The following LAIR1 variants were observed in gnomAD, a reference collection of about 807,000 sequenced individuals.
The protein encoded by LAIR1 is leukocyte associated immunoglobulin like receptor 1, also known as leukocyte-associated immunoglobulin-like receptor 1.
In LAIR1, 24 loss-of-function variants were observed where a neutral mutation model predicts 32.8. The observed-to-expected ratio is 0.73, with a 90% CI of 0.53 to 1.03. The LOEUF is 1.03. Ranked by LOEUF, LAIR1 falls within the 50% of genes least tolerant of loss-of-function variation. The pLI, the probability that LAIR1 is intolerant of heterozygous loss-of-function variation, is 0.00. For synonymous variants in LAIR1, 150 were observed against 140.5 expected (o/e 1.07, Z -0.48); for missense variants, 355 against 347.5 (o/e 1.02, Z -0.17).
chr19:54,375,639 C>T, the LAIR1 span, among the ~76,000 whole-genome samples: 2 of 152,130 alleles, frequency 1.3e-5, no homozygotes, highest in Admixed American at 6.5e-5. Context: ...GAGACGGCGA[C>T]GCTGCCTTCG....
upstream of LAIR1, among the ~76,000 whole-genome samples, chr19:54,371,248 C>T (rs1242426293): frequency 1.3e-5 from 2 of 151,098 alleles, no homozygotes; most frequent in Non-Finnish European, 2.9e-5. Flanking sequence ...GTTCTCTCAT[C>T]GATGTACCTA....
upstream of LAIR1, among the ~76,000 whole-genome samples, chr19:54,371,231 A>G (rs2082398517): frequency 1.3e-5 from 2 of 151,378 alleles, no homozygotes; most frequent in South Asian, 4.2e-4. Flanking sequence ...ACTTTTGTAA[A>G]TATAGTGTTC....
chr19:54,355,951 C>T lies in LAIR1; in HGVS notation c.717+3G>A. The T allele has an allele frequency of 6.3e-7, 1 of 1,591,672 alleles. No individual in the cohort carries two copies. Among genetic ancestry groups the T allele is most frequent in the Non-Finnish European group, 8.6e-7 (1 of 1,159,224 alleles). On this transcript the variant is annotated splice_donor_region_variant and intron_variant, in intron 9 of 9. Transcript: ENST00000391742. This position sits in a 1 kb window ranked among gnomAD's most constrained non-coding sequence, Gnocchi z 4.7. ...TACTTTAATAACTAGTAGGAAGGCT[C>T]ACCGAGGTGTCCGTCTCTCTGTCCT...
At chr19:54,371,487 T>TG (rs966269276), upstream of LAIR1, among the ~76,000 whole-genome samples, 138 of 151,254 alleles carry the variant, frequency 9.1e-4, 7 homozygotes, top group Middle Eastern at 3.4e-3. Flanking sequence ...TTAGTAGAGA[T>TG]GGGGTTTCGC....
chr19:54,363,580 A>G (rs1569201605), intron 2 of LAIR1, among the ~76,000 whole-genome samples: 2 of 152,240 alleles, frequency 1.3e-5, no homozygotes, highest in African/African-American at 4.8e-5. Context: ...GATGAGGAGA[A>G]TGTGCTGTGT....
In LAIR1 at chr19:54,361,792, C is replaced by T. The variant is rs184226016; in HGVS notation, c.71-583G>A. Among the ~76,000 whole-genome samples the T allele has an allele frequency of 8.6e-5, 13 of 152,030 alleles. No individual in the cohort carries two copies. The East Asian group carries it at 1.7e-3, about 20-fold the overall frequency. ...ACAGGTCCCCATTGCTAATGCAGATCTCTGTGGAGACACCACCTCTGGGTT... is the reference window on the plus strand; with the variant it reads ...ACAGGTCCCCATTGCTAATGCAGATTTCTGTGGAGACACCACCTCTGGGTT... On this transcript the variant is annotated intron_variant, in intron 2 of 9. Transcript: ENST00000391742.
intron 2 of LAIR1, among the ~76,000 whole-genome samples, chr19:54,362,176 TA>T (rs1179600895): frequency 2.6e-5 from 4 of 152,148 alleles, no homozygotes; most frequent in Admixed American, 2.0e-4. Flanking sequence ...TGAGAACATT[TA>T]AAATCTGCCC....
At chr19:54,374,606 G>A (rs1008068572), upstream of LAIR1, among the ~76,000 whole-genome samples, 2 of 152,158 alleles carry the variant, frequency 1.3e-5, no homozygotes, top group African/African-American at 4.8e-5. Flanking sequence ...ATGATGGACA[G>A]CTGCGACGTT....
upstream of LAIR1, among the ~76,000 whole-genome samples, chr19:54,373,180 C>T (rs368590767): frequency 8.6e-5 from 13 of 150,968 alleles, no homozygotes; most frequent in Admixed American, 2.0e-4. Context: ...TGGTGGCTCA[C>T]GCCTGTAATC....
upstream of LAIR1, among the ~76,000 whole-genome samples, chr19:54,366,823 A>G (rs1387283162): frequency 1.3e-5 from 2 of 152,198 alleles, no homozygotes; most frequent in Non-Finnish European, 2.9e-5. Flanking sequence ...AAAGTGTTCA[A>G]GTGGCATGGC....
intron 2 of LAIR1, among the ~76,000 whole-genome samples, chr19:54,363,482 C>T (rs1234535373): frequency 6.6e-6 from 1 of 152,146 alleles, no homozygotes; most frequent in Non-Finnish European, 1.5e-5. Flanking sequence ...GTGTGCGGAG[C>T]TGACGCCTGC....
Position 54,364,524 on chromosome 19 carries a change from C to T in LAIR1, c.35-194G>A. 2 of 816,860 alleles carry T rather than the reference C, an allele frequency of 2.4e-6. No individual in the cohort carries two copies. The highest frequency in any genetic ancestry group is 4.4e-4 in the Middle Eastern group (2 of 4,594). The allele number at this position is 816,860 out of a possible 1,614,324, so 50.6% of individuals were successfully genotyped here. ...TTCAAGATAAATCCCAAAGTCTCCTCCTCCAAAAAGGCTCCTGCTCCCCCA... is the reference window on the plus strand; with the variant it reads ...TTCAAGATAAATCCCAAAGTCTCCTTCTCCAAAAAGGCTCCTGCTCCCCCA... On this transcript the variant is annotated intron_variant, in intron 1 of 9. Transcript: ENST00000391742. This position sits in a 1 kb window ranked among gnomAD's most constrained non-coding sequence, Gnocchi z 4.8.
At chr19:54,360,877 C>T (rs1042712834) in intron 3 of LAIR1, 39 bp downstream of exon 3, 12 of 1,584,866 alleles carry the variant, frequency 7.6e-6, no homozygotes, top group East Asian at 4.5e-5. Context: ...GCTCGAGGGT[C>T]GAGCTGAGAC....
In LAIR1 at chr19:54,364,579, AC is replaced by A; in HGVS notation, c.34+191del. On this transcript the variant is annotated intron_variant, in intron 1 of 9. Coordinates refer to ENST00000391742, the MANE Select transcript of LAIR1 (RefSeq NM_002287.6). This position sits in a 1 kb window ranked among gnomAD's most constrained non-coding sequence, Gnocchi z 4.8. The stretch of plus-strand genomic sequence containing the variant: ...TTCTTAAAGCTGACCTCATCCCCAC[AC>A]CCGGGCCCCTGTTTTTAGGACAAGA... 1.3e-6 allele frequency: 1 copy of A among 795,662 alleles called. No individual in the cohort carries two copies. The highest frequency in any genetic ancestry group is 2.0e-5 in the Admixed American group (1 of 50,500). 49.3% of individuals were successfully genotyped at this position (795,662 alleles called of 1,614,324 possible).
At chr19:54,369,419 C>T (rs1246478679), upstream of LAIR1, among the ~76,000 whole-genome samples, 5 of 151,560 alleles carry the variant, frequency 3.3e-5, no homozygotes, top group East Asian at 9.6e-4. Context: ...TCCGTCTGTT[C>T]CTCCACAATC....
At chr19:54,372,718 GACCTC>G (rs2082437031), upstream of LAIR1, among the ~76,000 whole-genome samples, 1 of 145,212 alleles carries the variant, frequency 6.9e-6, no homozygotes, top group African/African-American at 2.9e-5. Flanking sequence ...TCGGACTCCT[GACCTC>G]GTGATCTGCC....
At chr19:54,356,782 C>T (rs561057760) in intron 5 of LAIR1, 146 bp downstream of exon 5, 39 of 1,185,480 alleles carry the variant, frequency 3.3e-5, no homozygotes, top group Middle Eastern at 1.9e-4. Context: ...CTTCCACCAC[C>T]GGGGTCCTGA....
intron 4 of LAIR1, among the ~76,000 whole-genome samples, chr19:54,359,662 G>C (rs928364911): frequency 6.6e-6 from 1 of 152,270 alleles, no homozygotes; most frequent in Admixed American, 6.5e-5. Flanking sequence ...GGGCTGCCCG[G>C]GTGGGTGGCC....
At chr19:54,368,932 C>T (rs1483056405), upstream of LAIR1, among the ~76,000 whole-genome samples, 7 of 151,100 alleles carry the variant, frequency 4.6e-5, no homozygotes, top group Non-Finnish European at 1.0e-4. Context: ...GGTGATCCGC[C>T]CACCTTGGCA....
Sources: allele counts gnomAD v4.1 joint callset (sites outside exome capture counted in the v4.1 genomes callset), GRCh38; gene constraint gnomAD v4.1.1; non-coding constraint Gnocchi (gnomAD v3.1); transcripts MANE v1.5; gene names NCBI Gene and HGNC (gene_info 2026-07-23, HGNC 2026-07-21).